ZNF791: variants seen among roughly 807,000 people sequenced by gnomAD.
The protein encoded by ZNF791 is zinc finger protein 791.
In ZNF791, 4 loss-of-function variants were observed where a neutral mutation model predicts 11.5. The observed-to-expected ratio is 0.35, with a 90% CI of 0.17 to 0.80. ZNF791 has a LOEUF of 0.80. Ranked by LOEUF, ZNF791 falls within the 30% of genes least tolerant of loss-of-function variation. ZNF791 has a pLI of 0.53. For synonymous variants in ZNF791, 212 were observed against 228.1 expected, an observed-to-expected ratio of 0.93 and a Z score of 0.64; for missense variants, 559 against 699.4, an observed-to-expected ratio of 0.80 and a Z score of 2.26.
Position 12,627,742 on chromosome 19 carries a change from C to T in ZNF791, c.213C>T (p.Leu71=). 6.2e-7 allele frequency: 1 copy of T among 1,613,132 alleles called. No individual in the cohort carries two copies. Residue 71 remains leucine, a synonymous_variant, in exon 4 of 4, where the codon CTC becomes CTT. Transcript: ENST00000343325. The part of the protein sequence containing the change: ...RNLRSHTGER[L]CEGKEGSQCA... ...ACAGAAGCCATACGGGAGAGAGACT[C>T]TGTGAAGGTAAAGAAGGTAGTCAAT...
At chr19:12,621,883 G>A (rs2023355062) in intron 1 of ZNF791, among the ~76,000 whole-genome samples, 1 of 125,018 alleles carries the variant, frequency 8.0e-6, no homozygotes, top group Non-Finnish European at 1.7e-5. Context: ...GAACGGGCCA[G>A]GATGACAATG....
At chr19:12,616,629 G>A (rs1301399608) in intron 1 of ZNF791, among the ~76,000 whole-genome samples, 2 of 152,026 alleles carry the variant, frequency 1.3e-5, no homozygotes, top group South Asian at 2.1e-4. Flanking sequence ...GGAGGCAGAG[G>A]TTGCAGTGAG....
At chr19:12,612,240 T>A in intron 1 of ZNF791, 1 of 598,818 alleles carries the variant, frequency 1.7e-6, no homozygotes, top group Non-Finnish European at 2.1e-6. Context: ...GGTCTGGCTG[T>A]GTTGCTCAGG....
chr19:12,617,472 T>G (rs1362360853), intron 1 of ZNF791, among the ~76,000 whole-genome samples: 3 of 152,138 alleles, frequency 2.0e-5, no homozygotes, highest in Non-Finnish European at 2.9e-5. Flanking sequence ...TAGAACTGTG[T>G]TGGGTTTTAT....
At chr19:12,618,533 G>A (rs2023281871) in intron 1 of ZNF791, among the ~76,000 whole-genome samples, 1 of 151,758 alleles carries the variant, frequency 6.6e-6, no homozygotes, top group South Asian at 2.1e-4. Flanking sequence ...GGCCGAGTGT[G>A]GTGGCTCGCG....
At chr19:12,613,458 G>A (rs888681312) in intron 1 of ZNF791, among the ~76,000 whole-genome samples, 3 of 152,078 alleles carry the variant, frequency 2.0e-5, no homozygotes, top group Non-Finnish European at 2.9e-5. Flanking sequence ...GCGGGCGCCT[G>A]TAGTCCCAGC....
At chr19:12,619,650 T>A (rs1276268986) in intron 1 of ZNF791, among the ~76,000 whole-genome samples, 1 of 151,308 alleles carries the variant, frequency 6.6e-6, no homozygotes, top group Admixed American at 6.6e-5. Context: ...GGGGTTTCAC[T>A]GTGTTAGCCA....
chr19:12,620,237 A>G (rs2023318527), intron 1 of ZNF791, among the ~76,000 whole-genome samples: 1 of 151,976 alleles, frequency 6.6e-6, no homozygotes, highest in Non-Finnish European at 1.5e-5. Context: ...GTGCAGTGGT[A>G]TAGTTATGGC....
At chr19:12,620,245 G>A (rs976693135) in intron 1 of ZNF791, among the ~76,000 whole-genome samples, 5 of 151,962 alleles carry the variant, frequency 3.3e-5, no homozygotes, top group Non-Finnish European at 7.4e-5. Context: ...GTATAGTTAT[G>A]GCTCACTGCA....
At chr19:12,617,994 T>A (rs2023273375) in intron 1 of ZNF791, among the ~76,000 whole-genome samples, 1 of 146,858 alleles carries the variant, frequency 6.8e-6, no homozygotes, top group East Asian at 2.1e-4. Context: ...CTCAGCTCAC[T>A]GCAACCTCCA....
At chr19:12,626,566 G>A (rs1015179914) in intron 3 of ZNF791, among the ~76,000 whole-genome samples, 2 of 152,148 alleles carry the variant, frequency 1.3e-5, no homozygotes, top group African/African-American at 4.8e-5. Context: ...CTACAGGCAT[G>A]AGCCACCATG....
chr19:12,623,691 A>G lies in ZNF791; in HGVS notation c.4-9A>G, dbSNP rs754751212. ...CTCACCTATTCTCTACTTATATTGG[A>G]TGTTTCAGGACTCAGTGGCTTTTGA... On this transcript the variant is annotated splice_polypyrimidine_tract_variant and intron_variant, in intron 1 of 3. Transcript: ENST00000343325. 4 of 1,613,934 alleles carry G rather than the reference A, an allele frequency of 2.5e-6. No individual in the cohort carries two copies. The highest frequency in any genetic ancestry group is 4.5e-5 in the East Asian group (2 of 44,880).
intron 1 of ZNF791, among the ~76,000 whole-genome samples, chr19:12,622,339 G>A: frequency 2.1e-5 from 2 of 97,018 alleles, no homozygotes; most frequent in Non-Finnish European, 4.2e-5. Context: ...AAACACCCAA[G>A]AATTATCAAT....
chr19:12,621,390 C>T (rs931906706), intron 1 of ZNF791, among the ~76,000 whole-genome samples: 2 of 151,834 alleles, frequency 1.3e-5, no homozygotes, highest in South Asian at 2.1e-4. Context: ...CCTAGTCTCA[C>T]GAAATGGGAC....
At chr19:12,621,805 C>A (rs1177866289) in intron 1 of ZNF791, among the ~76,000 whole-genome samples, 2 of 133,566 alleles carry the variant, frequency 1.5e-5, no homozygotes. Flanking sequence ...GCCGCCCCGT[C>A]CGGGAGGTGA....
At chr19:12,617,316 G>C (rs1475412008) in intron 1 of ZNF791, among the ~76,000 whole-genome samples, 1 of 151,558 alleles carries the variant, frequency 6.6e-6, no homozygotes, top group Non-Finnish European at 1.5e-5. Context: ...AGTAGAGATG[G>C]GGTTTCACCA....
At chr19:12,613,960 G>T (rs1044568384) in intron 1 of ZNF791, among the ~76,000 whole-genome samples, 2 of 152,118 alleles carry the variant, frequency 1.3e-5, no homozygotes, top group African/African-American at 4.8e-5. Flanking sequence ...AGGTGTACTG[G>T]GTGTAATTGG....
intron 1 of ZNF791, among the ~76,000 whole-genome samples, chr19:12,618,982 G>T (rs1156870188): frequency 6.6e-6 from 1 of 151,406 alleles, no homozygotes; most frequent in Non-Finnish European, 1.5e-5. Flanking sequence ...CGAGTAGCTG[G>T]GACTACAGGC....
intron 1 of ZNF791, among the ~76,000 whole-genome samples, chr19:12,617,760 CTT>C (rs1019193795): frequency 1.7e-3 from 90 of 51,710 alleles, no homozygotes; most frequent in African/African-American, 6.9e-3. Flanking sequence ...TGCTGGAACT[CTT>C]TTTTTTTTTT....
Sources: gnomAD v4.1 joint callset for allele counts (sites outside exome capture counted in the v4.1 genomes callset) on GRCh38, gnomAD v4.1.1 for gene constraint, MANE v1.5 for transcripts, NCBI Gene and HGNC (gene_info 2026-07-23, HGNC 2026-07-21) for gene names.